SPTBN4: variants seen among roughly 807,000 people sequenced by gnomAD.
SPTBN4 encodes the protein spectrin beta chain, non-erythrocytic 4.
Under a neutral mutation model 277.8 loss-of-function variants are expected in SPTBN4, and 96 were observed. The ratio of observed to expected loss-of-function variants is 0.35; its 90% CI spans 0.29 to 0.41. The LOEUF (loss-of-function observed/expected upper bound fraction) is 0.41. Ranked by LOEUF, SPTBN4 falls within the 10% of genes least tolerant of loss-of-function variation. The pLI is 1.00. For missense variants in SPTBN4, 3,006 were observed against 3,595.7 expected, an observed-to-expected ratio of 0.84 and a Z score of 4.19; for synonymous variants, 1,481 against 1,580.3, an observed-to-expected ratio of 0.94 and a Z score of 1.49.
chr19:40,541,265 A>G (rs2080798834), intron 20 of SPTBN4, among the ~76,000 whole-genome samples: 1 of 152,140 alleles, frequency 6.6e-6, no homozygotes, highest in Non-Finnish European at 1.5e-5. Context: ...GGGGGTCCCC[A>G]TTGTTCAAGG....
chr19:40,523,717 A>T, intron 17 of SPTBN4, 78 bp downstream of exon 17: 20 of 1,332,492 alleles, frequency 1.5e-5, no homozygotes, highest in Non-Finnish European at 2.1e-5. Flanking sequence ...GTGGGAGGCC[A>T]GGGTCCCACT....
Position 40,567,192 on chromosome 19 carries a change from G to T in SPTBN4, c.6337-471G>T, listed in dbSNP as rs529058165. On this transcript the variant is annotated intron_variant, in intron 30 of 35. Coordinates refer to ENST00000598249, the MANE Select transcript of SPTBN4 (RefSeq NM_020971.3). Reference sequence around the variant, plus strand: ...GCCTGTAGTCCCAGCTACTCAGAGGGGTGACTGAGACTCGAGGATCACTTG... The same window carrying T: ...GCCTGTAGTCCCAGCTACTCAGAGGTGTGACTGAGACTCGAGGATCACTTG... 1.9e-3 allele frequency: 867 copies of T among 452,654 alleles called. 3 individuals carry two copies. The highest frequency in any genetic ancestry group is 4.3e-3 in the Middle Eastern group (13 of 3,050). The allele number at this position is 452,654 out of a possible 1,614,324, so 28.0% of individuals were successfully genotyped here. A position where few individuals can be genotyped will look rare whatever the true frequency, so the allele number is the denominator to read the frequency against.
intron 17 of SPTBN4, chr19:40,524,689 T>C (rs1220860443): frequency 4.5e-6 from 2 of 449,368 alleles, no homozygotes; most frequent in East Asian, 1.4e-4. Context: ...TCAAATATTT[T>C]GCATAAGCAC....
chr19:40,557,578 A>G (rs1329573297), intron 26 of SPTBN4, among the ~76,000 whole-genome samples, 175 bp downstream of exon 26: 1 of 152,208 alleles, frequency 6.6e-6, no homozygotes, highest in Non-Finnish European at 1.5e-5. Context: ...GGACTGATGG[A>G]ATGATATATA....
chr19:40,530,130 A>C (rs1192967636), intron 18 of SPTBN4, among the ~76,000 whole-genome samples: 1 of 151,854 alleles, frequency 6.6e-6, no homozygotes, highest in African/African-American at 2.4e-5. Flanking sequence ...CCCTGTCCAC[A>C]TGTGGTGGCC....
At chr19:40,492,016 C>A (rs1285134161) in intron 4 of SPTBN4, among the ~76,000 whole-genome samples, 1 of 149,638 alleles carries the variant, frequency 6.7e-6, no homozygotes, top group Non-Finnish European at 1.5e-5. Flanking sequence ...GAGTGAAACT[C>A]CATCTAAAAA....
intron 24 of SPTBN4, among the ~76,000 whole-genome samples, chr19:40,555,489 CAAAAAAAA>C (rs56045928): frequency 1.3e-5 from 1 of 74,904 alleles, no homozygotes; most frequent in Non-Finnish European, 2.4e-5. Flanking sequence ...GACTCCGTCT[CAAAAAAAA>C]AAAAAAAAAA....
intron 20 of SPTBN4, among the ~76,000 whole-genome samples, chr19:40,540,073 C>T (rs1024110847): frequency 6.6e-6 from 1 of 151,814 alleles, no homozygotes; most frequent in Non-Finnish European, 1.5e-5. Flanking sequence ...ACTATAGGCA[C>T]CCGCCACCAT....
chr19:40,533,603 A>G (rs1474047764), intron 19 of SPTBN4, among the ~76,000 whole-genome samples: 2 of 152,200 alleles, frequency 1.3e-5, no homozygotes, highest in Non-Finnish European at 2.9e-5. Flanking sequence ...TGGCGAAGGC[A>G]GTCTTCTTGA....
At position 40,502,110 on chromosome 19, in the gene SPTBN4, C is replaced by T; in HGVS notation, c.898-18C>T. 1 of 1,613,250 alleles carries T rather than the reference C, an allele frequency of 6.2e-7. No individual in the cohort carries two copies. Among genetic ancestry groups the T allele is most frequent in the Non-Finnish European group, 8.5e-7 (1 of 1,179,676 alleles). The stretch of plus-strand genomic sequence containing the variant: ...CACGGGTGGGATGAGGCTGACCCCC[C>T]TTCCTCTGCTGTGTCAGGTCTTGGA... On this transcript the variant is annotated intron_variant, in intron 8 of 35. Coordinates refer to ENST00000598249, the MANE Select transcript of SPTBN4 (RefSeq NM_020971.3). This position sits in a 1 kb window ranked among gnomAD's most constrained non-coding sequence, Gnocchi z 4.9.
intron 13 of SPTBN4, among the ~76,000 whole-genome samples, chr19:40,510,267 G>C (rs1390945694): frequency 6.6e-6 from 1 of 152,022 alleles, no homozygotes; most frequent in East Asian, 1.9e-4. Flanking sequence ...TTGTGTCAGA[G>C]TAAGGGCTGG....
chr19:40,554,102 G>C lies in SPTBN4; in HGVS notation c.4675-45G>C. ...GGAGCGTGTGGTCTTGCAGGGCCTC[G>C]GAACGCCCCCTCTCCACCCACATCC... On this transcript the variant is annotated intron_variant, in intron 22 of 35. Coordinates refer to ENST00000598249, the MANE Select transcript of SPTBN4 (RefSeq NM_020971.3). The surrounding 1 kb of genome is among the most constrained non-coding windows in gnomAD (Gnocchi z 5.7). 7.1e-7 allele frequency: 1 copy of C among 1,399,988 alleles called. No individual in the cohort carries two copies. The highest frequency in any genetic ancestry group is 2.8e-5 in the East Asian group (1 of 35,292). The allele number at this position is 1,399,988 out of a possible 1,614,324, so 86.7% of individuals were successfully genotyped here.
intron 16 of SPTBN4, 34 bp from the exon 17 acceptor site, chr19:40,523,403 G>A (rs1188622755): frequency 6.4e-7 from 1 of 1,558,274 alleles, no homozygotes; most frequent in East Asian, 2.4e-5. Flanking sequence ...AATGGAATGA[G>A]GCTGACCTTT....
intron 1 of SPTBN4, among the ~76,000 whole-genome samples, chr19:40,468,642 A>C (rs925864162): frequency 1.3e-5 from 2 of 152,156 alleles, no homozygotes; most frequent in African/African-American, 4.8e-5. Context: ...GACCTCCCAA[A>C]GTGCTGAGAT....
intron 5 of SPTBN4, among the ~76,000 whole-genome samples, chr19:40,493,919 G>A (rs2080165994): frequency 6.6e-6 from 1 of 152,112 alleles, no homozygotes; most frequent in South Asian, 2.1e-4. Context: ...TCAGTGCTAT[G>A]TCCAAGCTCT....
intron 4 of SPTBN4, among the ~76,000 whole-genome samples, chr19:40,491,838 C>T (rs2080140729): frequency 6.8e-6 from 1 of 148,100 alleles, no homozygotes; most frequent in South Asian, 2.1e-4. Flanking sequence ...GCCTGACAAA[C>T]ATGGAGAAAC....
intron 20 of SPTBN4, among the ~76,000 whole-genome samples, chr19:40,544,440 CTT>C (rs3071333): frequency 1.9e-5 from 1 of 51,744 alleles, no homozygotes; most frequent in African/African-American, 9.1e-5. Context: ...TTGTGCCCGG[CTT>C]TTTTTTTTTT....
chr19:40,560,659 G>A lies in SPTBN4; in HGVS notation c.5915+256G>A. On this transcript the variant is annotated intron_variant, in intron 27 of 35. Transcript: ENST00000598249. The surrounding 1 kb of genome is among the most constrained non-coding windows in gnomAD (Gnocchi z 5.2). ...GTTGCCTATTATTACCCTCTCCATGGGATGTCACAGCATGAAACAGGCTAA... is the reference window on the plus strand; with the variant it reads ...GTTGCCTATTATTACCCTCTCCATGAGATGTCACAGCATGAAACAGGCTAA... 7.0e-7 allele frequency: 1 copy of A among 1,427,632 alleles called. No individual in the cohort carries two copies. The highest frequency in any genetic ancestry group is 9.1e-7 in the Non-Finnish European group (1 of 1,094,304). The allele number at this position is 1,427,632 out of a possible 1,614,324, so 88.4% of individuals were successfully genotyped here.
At chr19:40,529,872 G>A (rs2080642334) in intron 18 of SPTBN4, among the ~76,000 whole-genome samples, 2 of 151,998 alleles carry the variant, frequency 1.3e-5, no homozygotes, top group East Asian at 3.9e-4. Context: ...TCCAACCAAA[G>A]CTGGTTCAGG....
Sources: allele counts gnomAD v4.1 joint callset (sites outside exome capture counted in the v4.1 genomes callset), GRCh38; gene constraint gnomAD v4.1.1; non-coding constraint Gnocchi (gnomAD v3.1); transcripts MANE v1.5; gene names NCBI Gene and HGNC (gene_info 2026-07-23, HGNC 2026-07-21).